Variants in TNRC6B observed in about 807,000 individuals in gnomAD.
TNRC6B encodes the protein trinucleotide repeat containing adaptor 6B.
A neutral mutation model predicts 203.6 loss-of-function variants in TNRC6B; 52 were observed. The ratio of observed to expected loss-of-function variants is 0.26; its 90% confidence interval spans 0.20 to 0.32. The LOEUF (loss-of-function observed/expected upper bound fraction) is 0.32, where lower values mean the gene tolerates loss of function less well. TNRC6B is among the 10% of genes least tolerant of loss of function. TNRC6B has a pLI of 1.00. For synonymous variants in TNRC6B, 838 were observed against 845.7 expected (o/e 0.99, Z 0.16); for missense variants, 1,923 against 2,286.2 (o/e 0.84, Z 3.24).
intron 11 of TNRC6B, among the ~76,000 whole-genome samples, chr22:40,283,097 G>A (rs1174443413): frequency 2.0e-5 from 3 of 151,876 alleles, no homozygotes; most frequent in Non-Finnish European, 4.4e-5. Flanking sequence ...ATGCAGTGGC[G>A]TGATCTCTGC....
At chr22:40,130,965 G>C (rs2068538242) in intron 3 of TNRC6B, among the ~76,000 whole-genome samples, 1 of 150,098 alleles carries the variant, frequency 6.7e-6, no homozygotes, top group East Asian at 2.1e-4. Flanking sequence ...GCAGTGGTGC[G>C]ATCTCGGGTC....
intron 1 of TNRC6B, among the ~76,000 whole-genome samples, chr22:40,087,867 C>T (rs571102594): frequency 2.0e-5 from 3 of 152,140 alleles, no homozygotes; most frequent in Admixed American, 1.3e-4. Context: ...CCTCCATCTC[C>T]GTTACAGATG....
chr22:40,231,133 C>T (rs1174363662), intron 1 of TNRC6B, among the ~76,000 whole-genome samples: 1 of 151,914 alleles, frequency 6.6e-6, no homozygotes, highest in Admixed American at 6.6e-5. Flanking sequence ...TAAGACAGTA[C>T]CATACTGTGT....
At chr22:40,184,039 C>A (rs867105675) in intron 1 of TNRC6B, among the ~76,000 whole-genome samples, 28 of 152,250 alleles carry the variant, frequency 1.8e-4, no homozygotes, top group African/African-American at 6.7e-4. Context: ...AGGTCCATTG[C>A]CCACTTTATA....
intron 2 of TNRC6B, among the ~76,000 whole-genome samples, chr22:40,250,589 C>T (rs772176893): frequency 6.6e-6 from 1 of 152,104 alleles, no homozygotes; most frequent in Non-Finnish European, 1.5e-5. Flanking sequence ...CACTGCATAG[C>T]ATATCTGATT....
In TNRC6B at chr22:40,334,799, T is replaced by TC. The variant is rs1047471721; in HGVS notation, c.*11561dup. On this transcript the variant is annotated 3_prime_UTR_variant, in exon 23 of 23. Transcript: ENST00000454349. ...TGTGGCTTCCTTCCTCCTCTCCTCC[T>TC]CCCTCCACGTCTCTCTTTGCCCCCT... is the stretch of plus-strand genomic sequence containing the variant. 4.6e-5 allele frequency: 7 copies of TC among 152,558 alleles called. No individual in the cohort carries two copies. The highest frequency in any genetic ancestry group is 3.3e-4 in the Admixed American group (5 of 15,270). The allele number at this position is 152,558 out of a possible 1,614,324, so 9.5% of individuals were successfully genotyped here.
At chr22:40,168,389 C>T (rs2068940648) in intron 4 of TNRC6B, among the ~76,000 whole-genome samples, 1 of 152,154 alleles carries the variant, frequency 6.6e-6, no homozygotes, top group African/African-American at 2.4e-5. Flanking sequence ...GCTATGAAGG[C>T]GCTGCTTTAG....
intron 1 of TNRC6B, among the ~76,000 whole-genome samples, chr22:40,094,645 C>G (rs1224714663): frequency 6.6e-6 from 1 of 152,140 alleles, no homozygotes; most frequent in Non-Finnish European, 1.5e-5. Flanking sequence ...CCAAACTGCC[C>G]TTGAGTTGGC....
At chr22:40,045,345 C>A (rs1257341818) in intron 1 of TNRC6B, 1 of 145,906 alleles carries the variant, frequency 6.9e-6, no homozygotes, top group Non-Finnish European at 1.5e-5. Flanking sequence ...CAGGCACTGG[C>A]GGGCGCGCGC....
chr22:40,152,262 A>G (rs1568999605), intron 3 of TNRC6B, among the ~76,000 whole-genome samples: 1 of 152,226 alleles, frequency 6.6e-6, no homozygotes, highest in Non-Finnish European at 1.5e-5. Flanking sequence ...TATGGGAGCT[A>G]GAAGACAACG....
At chr22:40,153,626 G>A (rs1408494094) in intron 3 of TNRC6B, among the ~76,000 whole-genome samples, 1 of 151,398 alleles carries the variant, frequency 6.6e-6, no homozygotes, top group Non-Finnish European at 1.5e-5. Context: ...TACAAGAAAG[G>A]AAATTTAATT....
chr22:40,277,898 T>C (rs1227986488), intron 8 of TNRC6B, 101 bp from the exon 9 acceptor site: 1 of 826,718 alleles, frequency 1.2e-6, no homozygotes, highest in South Asian at 1.5e-5. Flanking sequence ...GAACCTTCTA[T>C]GGTGCCAGTA....
intron 1 of TNRC6B, chr22:40,106,753 C>T: frequency 2.5e-6 from 2 of 786,468 alleles, no homozygotes; most frequent in Admixed American, 1.7e-5. Context: ...CCTTTCGGAC[C>T]TTTGGGCTTA....
intron 1 of TNRC6B, among the ~76,000 whole-genome samples, chr22:40,073,687 G>A (rs1346367839): frequency 6.6e-6 from 1 of 152,148 alleles, no homozygotes; most frequent in Non-Finnish European, 1.5e-5. Flanking sequence ...GCTGAGGCAG[G>A]TGGATCTCTT....
At position 40,312,907 on chromosome 22, in the gene TNRC6B, A is replaced by G. The variant is rs1205279618; in HGVS notation, c.4588A>G (p.Asn1530Asp). Reference protein sequence around the residue: ...QLLRDNTTGSNSSLNTSLPSP... With the variant: ...QLLRDNTTGSDSSLNTSLPSP... ...CTTGTTCTTTGTTACCCAAGGGTCT[A>G]ATTCTTCCCTCAACACCTCGCTGCC... is the stretch of plus-strand genomic sequence containing the variant. Residue 1530 changes from asparagine (N) to aspartate (D), a missense_variant, in exon 19 of 23, where the codon AAT (asparagine) becomes GAT (aspartate). Asn to Asp is a conservative substitution (Grantham distance 23). This residue lies in a region of TNRC6B where 159 missense variants were observed against 181.0 expected (regional missense o/e 0.88). Transcript: ENST00000454349. The G allele has an allele frequency of 2.5e-6, 4 of 1,613,382 alleles. No individual in the cohort carries two copies. The highest frequency in any genetic ancestry group is 1.1e-5 in the South Asian group (1 of 90,956).
At chr22:40,119,011 G>A (rs1375213935) in intron 2 of TNRC6B, among the ~76,000 whole-genome samples, 2 of 152,172 alleles carry the variant, frequency 1.3e-5, no homozygotes, top group Admixed American at 6.5e-5. Context: ...TGTTCATTAC[G>A]GCTGGAACAA....
chr22:40,330,959 A>G lies in TNRC6B; in HGVS notation c.*7718A>G, dbSNP rs1032350508. The G allele has an allele frequency of 1.3e-5, 2 of 152,724 alleles. No individual in the cohort carries two copies. Among genetic ancestry groups the G allele is most frequent in the Non-Finnish European group, 2.9e-5 (2 of 68,060 alleles). The allele number at this position is 152,724 out of a possible 1,614,324, so 9.5% of individuals were successfully genotyped here. A position where few individuals can be genotyped will look rare whatever the true frequency, so the allele number is the denominator to read the frequency against. ...AGGCGACGCAGACCCACGTTAGTCC[A>G]AGAGCGCAGGTTTACACATCTGCAT... On this transcript the variant is annotated 3_prime_UTR_variant, in exon 23 of 23. Transcript: ENST00000454349.
At chr22:40,165,965 TTTG>T (rs772352334) in intron 4 of TNRC6B, among the ~76,000 whole-genome samples, 7 of 151,912 alleles carry the variant, frequency 4.6e-5, no homozygotes, top group Non-Finnish European at 1.0e-4. Context: ...GGTGGTTTTT[TTTG>T]TTGTTGTTTT....
At chr22:40,164,347 C>T (rs1313583240) in intron 4 of TNRC6B, among the ~76,000 whole-genome samples, 2 of 146,788 alleles carry the variant, frequency 1.4e-5, no homozygotes, top group South Asian at 2.2e-4. Flanking sequence ...AACATCACAC[C>T]ACTGCAGTCC....
Sources: gnomAD v4.1 joint callset for allele counts (sites outside exome capture counted in the v4.1 genomes callset) on GRCh38, gnomAD v4.1.1 for gene constraint, gnomAD v4.1.1 regional missense constraint, MANE v1.5 for transcripts, NCBI Gene and HGNC (gene_info 2026-07-23, HGNC 2026-07-21) for gene names.